Variants in CFAP44 observed in about 807,000 individuals in gnomAD.
CFAP44 encodes cilia- and flagella-associated protein 44.
In CFAP44, 134 loss-of-function variants were observed where a neutral mutation model predicts 216.2. The observed-to-expected ratio is 0.62, with a 90% confidence interval of 0.54 to 0.72. The LOEUF (loss-of-function observed/expected upper bound fraction) is 0.72, where lower values mean the gene tolerates loss of function less well. Among genes scored for constraint, CFAP44 ranks in the 30% least tolerant of loss-of-function variants. The pLI is 0.00. For synonymous variants in CFAP44, 700 were observed against 727.6 expected (o/e 0.96, Z 0.61); for missense variants, 2,035 against 2,182.1 (o/e 0.93, Z 1.34).
At chr3:113,323,658 G>T (rs1950164357) in intron 28 of CFAP44, among the ~76,000 whole-genome samples, 1 of 152,130 alleles carries the variant, frequency 6.6e-6, no homozygotes, top group South Asian at 2.1e-4. Flanking sequence ...ACACTAAAAA[G>T]ATAAGGATAT....
chr3:113,435,733 A>AT (rs903633589), intron 1 of CFAP44, among the ~76,000 whole-genome samples: 12 of 18,098 alleles, frequency 6.6e-4, no homozygotes, highest in Admixed American at 1.8e-3. Context: ...TGCTTCTAAA[A>AT]TTAAAAAAAA....
intron 2 of CFAP44, among the ~76,000 whole-genome samples, chr3:113,430,189 C>G (rs991084835): frequency 3.3e-5 from 5 of 150,958 alleles, no homozygotes; most frequent in African/African-American, 1.2e-4. Flanking sequence ...AAAAAAAGTC[C>G]AATATTTGGA....
chr3:113,317,398 G>A (rs1180851557), intron 28 of CFAP44, among the ~76,000 whole-genome samples: 3 of 152,166 alleles, frequency 2.0e-5, no homozygotes, highest in Non-Finnish European at 2.9e-5. Context: ...GAGCAGGGCC[G>A]GCTTCCCTTT....
intron 21 of CFAP44, among the ~76,000 whole-genome samples, 169 bp from the exon 22 acceptor site, chr3:113,359,044 A>G (rs1259650098): frequency 2.0e-5 from 3 of 152,214 alleles, no homozygotes; most frequent in African/African-American, 7.2e-5. Flanking sequence ...TCCACAATAT[A>G]AGGAGAAATG....
In CFAP44 at chr3:113,409,179, G is replaced by C; in HGVS notation, c.817C>G (p.Gln273Glu). 1 of 1,614,012 alleles carries C rather than the reference G, an allele frequency of 6.2e-7. No homozygotes were observed. The highest frequency in any genetic ancestry group is 8.5e-7 in the Non-Finnish European group (1 of 1,180,010). ...TTGAAAGTAACCTTAAAAACTTCCT[G>C]AGAAAAAGCTTTTGTCCTTAGTATG... is the stretch of plus-strand genomic sequence containing the variant. ...QPILRTKAFS[Q>E]EVFKVTFNPD... is the part of the protein sequence containing the mutation. Residue 273 changes from glutamine (Q) to glutamate (E), a missense_variant, in exon 7 of 35, where the codon CAG becomes GAG. Around this residue, in one of 3 missense-constraint regions of CFAP44, gnomAD observed 1,883 missense variants for 2,023.7 expected, o/e 0.93. Coordinates refer to ENST00000393845, the MANE Select transcript of CFAP44 (RefSeq NM_001164496.2).
intron 22 of CFAP44, among the ~76,000 whole-genome samples, chr3:113,345,450 T>C (rs1281703922): frequency 1.3e-5 from 2 of 152,178 alleles, no homozygotes; most frequent in African/African-American, 4.8e-5. Flanking sequence ...TTGCACATAG[T>C]AACTATAAAA....
chr3:113,351,653 CAACCGGCA>C (rs1950446106), intron 22 of CFAP44, among the ~76,000 whole-genome samples: 1 of 152,072 alleles, frequency 6.6e-6, no homozygotes, highest in Non-Finnish European at 1.5e-5. Context: ...TACGAGATGC[CAACCGGCA>C]TTTACAGGAA....
At chr3:113,334,305 T>C (rs1325578099) in intron 24 of CFAP44, among the ~76,000 whole-genome samples, 1 of 152,166 alleles carries the variant, frequency 6.6e-6, no homozygotes, top group African/African-American at 2.4e-5. Context: ...AAAAGGTATC[T>C]AGTTTAAGAT....
chr3:113,354,589 G>A (rs1250038738), intron 22 of CFAP44, among the ~76,000 whole-genome samples: 1 of 151,990 alleles, frequency 6.6e-6, no homozygotes, highest in African/African-American at 2.4e-5. Flanking sequence ...TAACTCTATT[G>A]GACTGGGATC....
intron 28 of CFAP44, among the ~76,000 whole-genome samples, chr3:113,324,049 A>C (rs1442500332): frequency 2.0e-5 from 3 of 151,838 alleles, no homozygotes; most frequent in Admixed American, 1.3e-4. Flanking sequence ...TCTCAAAAAA[A>C]AAAAAAAAAA....
In CFAP44 at chr3:113,400,595, G is replaced by C; in HGVS notation, c.1424C>G (p.Ala475Gly). The C allele has an allele frequency of 6.2e-7, 1 of 1,611,018 alleles. No homozygotes were observed. The highest frequency in any genetic ancestry group is 8.5e-7 in the Non-Finnish European group (1 of 1,178,512). The stretch of plus-strand genomic sequence containing the variant: ...ATAAGTGAGAGGAGAAACAGCCACG[G>C]CTTCAATAGCTCCAGAATGGAAGGA... ...LFSFHSGAIE[A>G]VAVSPLTYLM... The change falls in exon 12 of 35, where the codon GCC becomes GGC. Residue 475 changes from alanine (A) to glycine (G), a missense_variant. Physicochemically the swap from Ala to Gly is moderately conservative, Grantham distance 60. Transcript: ENST00000393845.
chr3:113,327,711 A>C lies in CFAP44; in HGVS notation c.4225T>G (p.Phe1409Val). The C allele has an allele frequency of 3.9e-6, 6 of 1,537,076 alleles. No individual in the cohort carries two copies. Among genetic ancestry groups the C allele is most frequent in the Non-Finnish European group, 5.2e-6 (6 of 1,146,754 alleles). Reference protein sequence around the residue: ...KLSDLHHVTLFQEILLLKNFE... With the variant: ...KLSDLHHVTLVQEILLLKNFE... ...TTCTTCAGGAGAAGTATTTCTTGAA[A>C]TAAGGTGACATGGTGCAGGTCAGAT... Residue 1409 changes from phenylalanine (F) to valine (V), a missense_variant, in exon 27 of 35, where the codon TTT (phenylalanine) becomes GTT (valine). By Grantham distance (50) the Phe-to-Val change is conservative. This residue lies in a region of CFAP44 where 1,883 missense variants were observed against 2,023.7 expected (regional missense o/e 0.93). Coordinates refer to ENST00000393845, the MANE Select transcript of CFAP44 (RefSeq NM_001164496.2).
At chr3:113,323,878 C>CA (rs1950166497) in intron 28 of CFAP44, among the ~76,000 whole-genome samples, 1 of 152,042 alleles carries the variant, frequency 6.6e-6, no homozygotes, top group East Asian at 1.9e-4. Context: ...CCCGTCTCTA[C>CA]TAAAAACACA....
intron 15 of CFAP44, among the ~76,000 whole-genome samples, chr3:113,383,066 T>C (rs1276687090): frequency 6.6e-6 from 1 of 152,234 alleles, no homozygotes; most frequent in African/African-American, 2.4e-5. Flanking sequence ...CTGATTACTA[T>C]AGGCAAATAT....
chr3:113,316,498 G>A (rs757455647), intron 28 of CFAP44, among the ~76,000 whole-genome samples: 1 of 152,072 alleles, frequency 6.6e-6, no homozygotes, highest in Non-Finnish European at 1.5e-5. Flanking sequence ...TATAACACAA[G>A]CTGATTTGTT....
At chr3:113,319,502 C>A (rs1950121599) in intron 28 of CFAP44, among the ~76,000 whole-genome samples, 1 of 152,148 alleles carries the variant, frequency 6.6e-6, no homozygotes, top group Non-Finnish European at 1.5e-5. Flanking sequence ...ACCTCAACAT[C>A]CCACTGACAG....
intron 34 of CFAP44, among the ~76,000 whole-genome samples, 169 bp from the exon 35 acceptor site, chr3:113,291,917 A>G (rs1949833308): frequency 6.6e-6 from 1 of 152,180 alleles, no homozygotes; most frequent in African/African-American, 2.4e-5. Flanking sequence ...CACCATTAGA[A>G]ATGTGTGCCT....
chr3:113,380,524 G>A (rs370726465), intron 16 of CFAP44, among the ~76,000 whole-genome samples: 4 of 151,784 alleles, frequency 2.6e-5, no homozygotes, highest in South Asian at 4.2e-4. Flanking sequence ...ATAAACTCCC[G>A]GGCTCAAGCG....
Position 113,327,628 on chromosome 3 carries a change from T to C in CFAP44, c.4308A>G (p.Glu1436=), listed in dbSNP as rs1950199833. 2 of 1,536,740 alleles carry C rather than the reference T, an allele frequency of 1.3e-6. No homozygotes were observed. Among genetic ancestry groups the C allele is most frequent in the South Asian group, 2.4e-5 (2 of 84,034 alleles). ...QERVNSLDKE[E]QYMQWKINET... ...TGCCCACTCATACTTGCATGTACTGTTCCTCTTTGTCTAAGGAATTAACAC... is the reference window on the plus strand; with the variant it reads ...TGCCCACTCATACTTGCATGTACTGCTCCTCTTTGTCTAAGGAATTAACAC... Residue 1436 remains glutamate, a synonymous_variant, in exon 27 of 35, where the codon GAA becomes GAG. Transcript: ENST00000393845.
Sources: gnomAD v4.1 joint callset for allele counts (sites outside exome capture counted in the v4.1 genomes callset) on GRCh38, gnomAD v4.1.1 for gene constraint, gnomAD v4.1.1 regional missense constraint, MANE v1.5 for transcripts, NCBI Gene and HGNC (gene_info 2026-07-23, HGNC 2026-07-21) for gene names.